INTS8: variants seen among roughly 807,000 people sequenced by gnomAD.
INTS8 encodes protein kaonashi-1.
Under a neutral mutation model 138.9 loss-of-function variants are expected in INTS8, and 47 were observed. The ratio of observed to expected loss-of-function variants is 0.34; its 90% CI spans 0.27 to 0.43. INTS8 has a LOEUF of 0.43. Among genes scored for constraint, INTS8 ranks in the 20% least tolerant of loss-of-function variants. INTS8 has a pLI of 1.00. For synonymous variants in INTS8, 392 were observed against 400.9 expected (o/e 0.98, Z 0.27); for missense variants, 996 against 1,173.0 (o/e 0.85, Z 2.20).
chr8:94,872,622 A>C (rs1159560983), intron 21 of INTS8, among the ~76,000 whole-genome samples: 1 of 152,222 alleles, frequency 6.6e-6, no homozygotes, highest in African/African-American at 2.4e-5. Context: ...CTGCAGGTAC[A>C]GTTGATCATT....
chr8:94,839,989 A>T (rs1018249916), intron 8 of INTS8, among the ~76,000 whole-genome samples: 3 of 152,208 alleles, frequency 2.0e-5, no homozygotes, highest in African/African-American at 7.2e-5. Flanking sequence ...AGACAAGTAC[A>T]TGTTACTGTG....
intron 7 of INTS8, 64 bp from the exon 8 acceptor site, chr8:94,838,399 G>T: frequency 7.4e-7 from 1 of 1,344,866 alleles, no homozygotes; most frequent in Non-Finnish European, 1.0e-6. Context: ...AACATGCTAA[G>T]GGGGTGCTAG....
At chr8:94,869,169 A>G (rs894466358) in intron 20 of INTS8, among the ~76,000 whole-genome samples, 1 of 151,688 alleles carries the variant, frequency 6.6e-6, no homozygotes, top group African/African-American at 2.4e-5. Context: ...TTTAGTAGAG[A>G]CAGGTTTCTT....
intron 23 of INTS8, 39 bp downstream of exon 23, chr8:94,874,641 T>C: frequency 8.8e-7 from 1 of 1,142,628 alleles, no homozygotes; most frequent in Non-Finnish European, 1.3e-6. Context: ...TATTTTTACA[T>C]ATGTTAGAGT....
At chr8:94,879,312 A>C (rs1816697215) in intron 26 of INTS8, among the ~76,000 whole-genome samples, 1 of 152,174 alleles carries the variant, frequency 6.6e-6, no homozygotes, top group South Asian at 2.1e-4. Context: ...AAGAAATTCT[A>C]GGCCGGGTGC....
chr8:94,843,866 A>T (rs1815229579), intron 10 of INTS8, among the ~76,000 whole-genome samples: 1 of 152,136 alleles, frequency 6.6e-6, no homozygotes. Flanking sequence ...CCTTGTTAAC[A>T]TTTGATATTG....
chr8:94,875,514 T>C (rs1044454455), intron 23 of INTS8, among the ~76,000 whole-genome samples: 3 of 152,104 alleles, frequency 2.0e-5, no homozygotes, highest in Admixed American at 6.6e-5. Flanking sequence ...TTGGGGGAAG[T>C]AATGAAAATG....
chr8:94,828,501 G>A (rs1470524273), intron 4 of INTS8, among the ~76,000 whole-genome samples: 3 of 152,184 alleles, frequency 2.0e-5, no homozygotes, highest in African/African-American at 2.4e-5. Flanking sequence ...AGCAGCAGGA[G>A]TGGAGGATGG....
Position 94,838,464 on chromosome 8 carries a change from T to G in INTS8, c.863T>G (p.Ile288Arg), listed in dbSNP as rs1815015357. ...FFRTKELIAE[I>R]GSLSLHCTID... ...TGGTGTATACCTCTTACTTTACAGA[T>G]AGGTTCATTATCTCTTCATTGTACC... Residue 288 changes from isoleucine (I) to arginine (R), a missense_variant and splice_region_variant, in exon 8 of 27, where the codon ATA (isoleucine) becomes AGA (arginine). Ile to Arg is a moderately conservative substitution (Grantham distance 97). Transcript: ENST00000523731. The G allele has an allele frequency of 6.2e-7, 1 of 1,609,726 alleles. No individual in the cohort carries two copies. The highest frequency in any genetic ancestry group is 1.7e-5 in the Admixed American group (1 of 59,956).
intron 20 of INTS8, among the ~76,000 whole-genome samples, chr8:94,867,991 T>A (rs1324970727): frequency 6.6e-6 from 1 of 152,216 alleles, no homozygotes; most frequent in Admixed American, 6.5e-5. Context: ...AAGTGATTTC[T>A]TTTTTCATAA....
Position 94,831,937 on chromosome 8 carries a change from GTTA to G in INTS8, c.571-50_571-48del, listed in dbSNP as rs774685051. ...ACTAAATAGACTGTAAATATTTTTG[GTTA>G]TTATAATCAGTTGCTATTTTTGTAT... is the stretch of plus-strand genomic sequence containing the variant. On this transcript the variant is annotated intron_variant, in intron 5 of 26. Transcript: ENST00000523731. 186 of 1,407,128 alleles carry G rather than the reference GTTA, an allele frequency of 1.3e-4. 1 individual carries two copies. The highest frequency in any genetic ancestry group is 1.7e-4 in the Non-Finnish European group (174 of 1,047,250). The allele number at this position is 1,407,128 out of a possible 1,614,324, so 87.2% of individuals were successfully genotyped here.
chr8:94,873,236 C>A, intron 21 of INTS8, 138 bp from the exon 22 acceptor site: 2 of 737,686 alleles, frequency 2.7e-6, no homozygotes, highest in South Asian at 2.9e-5. Context: ...GCAAGAAATA[C>A]GAACTAACAT....
chr8:94,881,553 C>A lies in INTS8; in HGVS notation c.*1319C>A. ...GGGCAATCAATCACAGCACTACTTTCTGTAAAACTTTAGTAGTTCAGTGAT... is the reference window on the plus strand; with the variant it reads ...GGGCAATCAATCACAGCACTACTTTATGTAAAACTTTAGTAGTTCAGTGAT... On this transcript the variant is annotated 3_prime_UTR_variant, in exon 27 of 27. Coordinates refer to ENST00000523731, the MANE Select transcript of INTS8 (RefSeq NM_017864.4). 7.0e-7 allele frequency: 1 copy of A among 1,436,990 alleles called. No homozygotes were observed. Among genetic ancestry groups the A allele is most frequent in the South Asian group, 1.3e-5 (1 of 79,552 alleles). The allele number at this position is 1,436,990 out of a possible 1,614,324, so 89.0% of individuals were successfully genotyped here.
chr8:94,873,679 A>G (rs1160409793), intron 22 of INTS8: 10 of 494,050 alleles, frequency 2.0e-5, no homozygotes, highest in African/African-American at 1.2e-4. Flanking sequence ...AAACACCTCA[A>G]ATTCAACTTG....
intron 13 of INTS8, 79 bp downstream of exon 13, chr8:94,851,765 C>A: frequency 8.1e-7 from 1 of 1,239,626 alleles, no homozygotes. Flanking sequence ...GTTCCCTGAC[C>A]TTTTTGATAA....
At chr8:94,863,595 G>A (rs79011592) in intron 16 of INTS8, among the ~76,000 whole-genome samples, 3,039 of 152,288 alleles carry the variant, frequency 0.02, 43 homozygotes, top group Non-Finnish European at 0.032. Flanking sequence ...CTGCTTCAGG[G>A]CAGTTAATTT....
intron 6 of INTS8, among the ~76,000 whole-genome samples, chr8:94,835,033 G>A (rs1814873631): frequency 6.6e-6 from 1 of 152,168 alleles, no homozygotes; most frequent in Non-Finnish European, 1.5e-5. Flanking sequence ...GGAGAGGTTT[G>A]GAAAGAGAGA....
Position 94,876,476 on chromosome 8 carries a change from A to T in INTS8, c.2858A>T (p.Lys953Ile). The change falls in exon 26 of 27, where the codon AAA becomes ATA. Residue 953 changes from lysine to isoleucine, a missense_variant. Lys to Ile is a moderately radical substitution (Grantham distance 102). Coordinates refer to ENST00000523731, the MANE Select transcript of INTS8 (RefSeq NM_017864.4). ...CATCATAAAAGAGGAGAAACAGATA[A>T]AAGACAAATTGCAGTAAGTTACCTT... ...YLHHKRGETD[K>I]RQIAIKAIGQ... The T allele has an allele frequency of 6.4e-7, 1 of 1,556,632 alleles. No homozygotes were observed.
chr8:94,840,724 A>ATT (rs1188046145), intron 8 of INTS8, among the ~76,000 whole-genome samples: 1 of 151,594 alleles, frequency 6.6e-6, no homozygotes, highest in Non-Finnish European at 1.5e-5. Flanking sequence ...TGCCTGGCTA[A>ATT]TTTTTGTAGT....
Sources: gnomAD v4.1 joint callset for allele counts (sites outside exome capture counted in the v4.1 genomes callset) on GRCh38, gnomAD v4.1.1 for gene constraint, MANE v1.5 for transcripts, NCBI Gene and HGNC (gene_info 2026-07-23, HGNC 2026-07-21) for gene names.